Variants in PDE10A observed in about 807,000 individuals in gnomAD.
PDE10A encodes phosphodiesterase 10A, also known as cAMP and cAMP-inhibited cGMP 3',5'-cyclic phosphodiesterase 10A.
Under a neutral mutation model 97.7 loss-of-function variants are expected in PDE10A, and 39 were observed. The observed-to-expected ratio is 0.40, with a 90% CI of 0.31 to 0.52. PDE10A has a LOEUF of 0.52. Among genes scored for constraint, PDE10A ranks in the 20% least tolerant of loss-of-function variants. The pLI, the probability that PDE10A is intolerant of heterozygous loss-of-function variation, is 0.56. For missense variants in PDE10A, 731 were observed against 1,047.8 expected (o/e 0.70, Z 4.17); for synonymous variants, 371 against 376.8 (o/e 0.98, Z 0.18).
chr6:165,925,636 T>G (rs1782909957), intron 1 of PDE10A, among the ~76,000 whole-genome samples: 1 of 152,228 alleles, frequency 6.6e-6, no homozygotes, highest in Non-Finnish European at 1.5e-5. Context: ...ACATAGTATA[T>G]GATCATTTCA....
chr6:165,398,499 C>CAA (rs376168637), intron 13 of PDE10A, among the ~76,000 whole-genome samples: 8 of 90,776 alleles, frequency 8.8e-5, no homozygotes, highest in Non-Finnish European at 8.3e-5. Context: ...CTCTCTCTCT[C>CAA]AAAAAAAAAA....
intron 5 of PDE10A, among the ~76,000 whole-genome samples, chr6:165,438,172 G>A (rs947314589): frequency 4.6e-5 from 7 of 151,868 alleles, no homozygotes; most frequent in African/African-American, 1.5e-4. Context: ...CCTCAAAGAC[G>A]CTTTTTTTAA....
intron 1 of PDE10A, among the ~76,000 whole-genome samples, chr6:165,842,397 C>T (rs373227104): frequency 5.3e-5 from 8 of 152,262 alleles, no homozygotes; most frequent in Admixed American, 1.3e-4. Flanking sequence ...TACTGTTATA[C>T]GGAGCTTGGC....
intron 1 of PDE10A, among the ~76,000 whole-genome samples, chr6:165,823,509 TA>T (rs1562754429): frequency 2.3e-5 from 2 of 86,448 alleles, no homozygotes; most frequent in Non-Finnish European, 5.7e-5. Context: ...TATATATATA[TA>T]TATATATATA....
chr6:165,407,599 G>A (rs542576837), intron 13 of PDE10A, among the ~76,000 whole-genome samples: 6 of 152,170 alleles, frequency 3.9e-5, no homozygotes, highest in Non-Finnish European at 7.4e-5. Context: ...ATTCTGGAAC[G>A]AATAAAGGTT....
At chr6:165,433,307 A>C (rs1251975194) in intron 6 of PDE10A, among the ~76,000 whole-genome samples, 178 bp from the exon 7 acceptor site, 1 of 152,196 alleles carries the variant, frequency 6.6e-6, no homozygotes, top group Non-Finnish European at 1.5e-5. Context: ...TTACTTTTTC[A>C]TGGAACTTAT....
chr6:165,602,533 T>C (rs1157186188), intron 1 of PDE10A, among the ~76,000 whole-genome samples: 1 of 152,168 alleles, frequency 6.6e-6, no homozygotes, highest in Non-Finnish European at 1.5e-5. Flanking sequence ...CTATATACCA[T>C]GAAGCAGATA....
At chr6:165,406,544 T>G (rs1332035427) in intron 13 of PDE10A, among the ~76,000 whole-genome samples, 1 of 152,148 alleles carries the variant, frequency 6.6e-6, no homozygotes, top group Non-Finnish European at 1.5e-5. Context: ...ACTTTATCGA[T>G]GAAGTTTTGG....
chr6:165,983,211 A>C (rs1785074294), intron 1 of PDE10A, among the ~76,000 whole-genome samples: 1 of 152,226 alleles, frequency 6.6e-6, no homozygotes, highest in African/African-American at 2.4e-5. Context: ...TATTAAGGTC[A>C]GGGAGGAAAC....
At chr6:165,589,661 A>T (rs1291287261) in intron 1 of PDE10A, among the ~76,000 whole-genome samples, 2 of 152,178 alleles carry the variant, frequency 1.3e-5, no homozygotes, top group Non-Finnish European at 2.9e-5. Flanking sequence ...GGAAAGAAGG[A>T]AGGAAAGGAG....
At chr6:165,974,625 A>G (rs1171694622) in intron 1 of PDE10A, among the ~76,000 whole-genome samples, 2 of 152,260 alleles carry the variant, frequency 1.3e-5, no homozygotes, top group East Asian at 3.8e-4. Context: ...TGATGGACAT[A>G]AGATATTAAG....
At chr6:165,941,838 A>T (rs1288837921) in intron 1 of PDE10A, among the ~76,000 whole-genome samples, 2 of 152,132 alleles carry the variant, frequency 1.3e-5, no homozygotes, top group African/African-American at 4.8e-5. Context: ...ATAACAATGG[A>T]AGAGTGGCCT....
intron 1 of PDE10A, among the ~76,000 whole-genome samples, chr6:165,582,042 GACAAGACCATGGTCCCCGCTT>G (rs550559047): frequency 5.3e-5 from 8 of 152,312 alleles, no homozygotes; most frequent in Non-Finnish European, 1.0e-4. Flanking sequence ...ATCTAAGGAT[GACAAGACCATGGTCCCCGCTT>G]TTACTTAAGC....
At chr6:165,986,270 C>G (rs937610335) in intron 1 of PDE10A, 1 of 153,744 alleles carries the variant, frequency 6.5e-6, no homozygotes, top group Non-Finnish European at 1.4e-5. Context: ...GGCCCTCCCC[C>G]CTCGGAGAGG....
chr6:165,475,206 T>C (rs1359993230), intron 3 of PDE10A, among the ~76,000 whole-genome samples: 1 of 152,214 alleles, frequency 6.6e-6, no homozygotes, highest in African/African-American at 2.4e-5. Flanking sequence ...GATAATATTG[T>C]TTCCTATAAC....
At chr6:165,791,995 C>T (rs1471072668) in intron 1 of PDE10A, among the ~76,000 whole-genome samples, 2 of 152,192 alleles carry the variant, frequency 1.3e-5, no homozygotes, top group Non-Finnish European at 2.9e-5. Flanking sequence ...TCTGCTGTGG[C>T]AGATGGAATC....
At chr6:165,630,160 G>T (rs893230725) in intron 1 of PDE10A, among the ~76,000 whole-genome samples, 25 of 151,964 alleles carry the variant, frequency 1.6e-4, no homozygotes, top group African/African-American at 5.8e-4. Flanking sequence ...ACCAGCCTGC[G>T]CAACATGATG....
chr6:165,876,612 T>A (rs1781351955), intron 1 of PDE10A, among the ~76,000 whole-genome samples: 1 of 152,182 alleles, frequency 6.6e-6, no homozygotes, highest in South Asian at 2.1e-4. Flanking sequence ...AGATTCTTTT[T>A]CTCCCCAAAG....
intron 1 of PDE10A, among the ~76,000 whole-genome samples, chr6:165,818,102 C>T (rs1416214956): frequency 1.3e-5 from 2 of 152,184 alleles, no homozygotes; most frequent in Non-Finnish European, 2.9e-5. Flanking sequence ...TGAGGCTGCC[C>T]CAGATGTTGA....
Sources: allele counts gnomAD v4.1 joint callset (sites outside exome capture counted in the v4.1 genomes callset), GRCh38; gene constraint gnomAD v4.1.1; transcripts MANE v1.5; gene names NCBI Gene and HGNC (gene_info 2026-07-23, HGNC 2026-07-21).